MS4A4E: variants seen among roughly 807,000 people sequenced by gnomAD.
MS4A4E encodes the protein membrane spanning 4-domains A4E, also known as putative membrane-spanning 4-domains subfamily A member 4E.
A neutral mutation model predicts 13.3 loss-of-function variants in MS4A4E; 23 were observed. The observed-to-expected ratio is 1.73, with a 90% CI of 1.25 to 2.45. The LOEUF is 2.45. Among genes scored for constraint, MS4A4E ranks in the 30% most tolerant of loss-of-function variants. The pLI, the probability that MS4A4E is intolerant of heterozygous loss-of-function variation, is 0.00. For missense variants in MS4A4E, 144 were observed against 131.2 expected (o/e 1.10, Z -0.48); for synonymous variants, 36 against 45.6 (o/e 0.79, Z 0.85).
chr11:60,219,479 C>T (rs1463814495), intron 3 of MS4A4E, among the ~76,000 whole-genome samples: 4 of 152,060 alleles, frequency 2.6e-5, no homozygotes, highest in Non-Finnish European at 5.9e-5. Flanking sequence ...GGAAGCTTAC[C>T]GAATTCTTAC....
chr11:60,242,357 G>A (rs1017756212), intron 1 of MS4A4E, among the ~76,000 whole-genome samples: 1 of 152,158 alleles, frequency 6.6e-6, no homozygotes, highest in Non-Finnish European at 1.5e-5. Flanking sequence ...TCTACAAGAT[G>A]TTTTTCATTT....
intron 8 of MS4A4E, among the ~76,000 whole-genome samples, chr11:60,203,795 T>C (rs1358250463): frequency 6.6e-6 from 1 of 152,124 alleles, no homozygotes; most frequent in African/African-American, 2.4e-5. Context: ...TTCTTGTAAA[T>C]GTAGCAAAAG....
chr11:60,204,233 A>G (rs541879390), intron 8 of MS4A4E, among the ~76,000 whole-genome samples: 1 of 152,324 alleles, frequency 6.6e-6, no homozygotes, highest in African/African-American at 2.4e-5. Flanking sequence ...TTAGAGAGGA[A>G]GCCATTGAAG....
At chr11:60,214,058 C>T (rs759462317) in intron 4 of MS4A4E, among the ~76,000 whole-genome samples, 15 of 152,072 alleles carry the variant, frequency 9.9e-5, no homozygotes, top group Admixed American at 5.9e-4. Flanking sequence ...GCGCCCGTCA[C>T]CACGCCTGGT....
rs2084390829 is a variant in MS4A4E at position 60,230,170 on chromosome 11, T to TA, written c.-16-100dup. ...TCCTCCCTAAGGACAAAACCTGGTC[T>TA]ACATTCCCCTCCAATATTATAACAG... On this transcript the variant is annotated intron_variant, in intron 1 of 8. Transcript: ENST00000651255. 2.3e-6 allele frequency: 3 copies of TA among 1,283,244 alleles called. No homozygotes were observed. The African/African-American group carries it at 4.5e-5, about 19-fold the overall frequency. 79.5% of individuals were successfully genotyped at this position (1,283,244 alleles called of 1,614,324 possible).
chr11:60,227,928 T>G (rs142054277), intron 3 of MS4A4E, among the ~76,000 whole-genome samples: 58 of 152,170 alleles, frequency 3.8e-4, no homozygotes, highest in African/African-American at 1.3e-3. Flanking sequence ...ATACCTTGTA[T>G]CCTTCACAAA....
intron 6 of MS4A4E, among the ~76,000 whole-genome samples, chr11:60,208,310 A>C (rs1459944811): frequency 6.6e-6 from 1 of 152,196 alleles, no homozygotes; most frequent in Admixed American, 6.5e-5. Context: ...CTCAAAGAAA[A>C]AGTACATTGT....
At chr11:60,213,501 T>A (rs1048763526) in intron 4 of MS4A4E, among the ~76,000 whole-genome samples, 1 of 152,208 alleles carries the variant, frequency 6.6e-6, no homozygotes, top group Non-Finnish European at 1.5e-5. Flanking sequence ...TCTCTACATT[T>A]TAAATTATTT....
chr11:60,219,195 C>T (rs775843849), intron 3 of MS4A4E, among the ~76,000 whole-genome samples: 33 of 152,200 alleles, frequency 2.2e-4, no homozygotes, highest in Non-Finnish European at 4.4e-4. Flanking sequence ...GAGGGCAGCA[C>T]TTGCATCCTT....
chr11:60,209,046 A>G (rs1169241167), intron 5 of MS4A4E: 1 of 153,642 alleles, frequency 6.5e-6, no homozygotes, highest in Non-Finnish European at 1.4e-5. Context: ...CTATGATTCC[A>G]TATCTTCGTG....
chr11:60,230,578 G>A (rs1387768734), intron 1 of MS4A4E, among the ~76,000 whole-genome samples: 1 of 152,150 alleles, frequency 6.6e-6, no homozygotes, highest in East Asian at 1.9e-4. Flanking sequence ...TGTCCCATAA[G>A]CTCTGAACTC....
At chr11:60,206,477 A>ATATATATATGTATATATATATACACG (rs2084044314) in intron 6 of MS4A4E, among the ~76,000 whole-genome samples, 3 of 5,682 alleles carry the variant, frequency 5.3e-4, no homozygotes, top group Non-Finnish European at 9.7e-4. Flanking sequence ...ACACACACAT[A>ATATATATATGTATATATATATACACG]TATATATATA....
chr11:60,202,901 G>A (rs1330822125), intron 8 of MS4A4E, among the ~76,000 whole-genome samples: 1 of 152,162 alleles, frequency 6.6e-6, no homozygotes, highest in Admixed American at 6.5e-5. Flanking sequence ...GAGGGAAGAT[G>A]ACTCCATTTT....
At position 60,200,924 on chromosome 11, in the gene MS4A4E, C is replaced by A. The variant is rs1387475405; in HGVS notation, c.*619G>T. Among the ~76,000 whole-genome samples, 26 of 145,822 alleles carry A rather than the reference C, an allele frequency of 1.8e-4. No homozygotes were observed. Among genetic ancestry groups the A allele is most frequent in the Admixed American group, 5.4e-4 (8 of 14,750 alleles). ...GGCGGCTGGCCGGGCGGGGGGCTGA[C>A]CCCTCCACCTCCCTCCCGGACGGGG... On this transcript the variant is annotated 3_prime_UTR_variant, in exon 9 of 9. Coordinates refer to ENST00000651255, the MANE Select transcript of MS4A4E (RefSeq NM_001393391.1).
intron 5 of MS4A4E, among the ~76,000 whole-genome samples, chr11:60,209,871 A>G (rs888510386): frequency 3.2e-4 from 49 of 152,250 alleles, no homozygotes; most frequent in African/African-American, 1.1e-3. Context: ...AGACTTAAGG[A>G]GACCTTGAGA....
intron 3 of MS4A4E, among the ~76,000 whole-genome samples, chr11:60,228,384 T>C (rs576028355): frequency 6.6e-6 from 1 of 152,240 alleles, no homozygotes; most frequent in African/African-American, 2.4e-5. Context: ...AAAATTAAAA[T>C]GGTAATGAGA....
chr11:60,241,893 G>A (rs541205898), intron 1 of MS4A4E, among the ~76,000 whole-genome samples: 1 of 152,216 alleles, frequency 6.6e-6, no homozygotes, highest in Admixed American at 6.5e-5. Context: ...CGGATAAAGA[G>A]GTGGGGTAAC....
At position 60,227,039 on chromosome 11, in the gene MS4A4E, A is replaced by G. The variant is rs375275172; in HGVS notation, c.178+1555T>C. 6.0e-4 allele frequency among the ~76,000 whole-genome samples: 92 copies of G among 152,316 alleles called. 1 individual carries two copies. The South Asian group carries it at 0.013, about 22-fold the overall frequency. On this transcript the variant is annotated intron_variant, in intron 3 of 8. Transcript: ENST00000651255. Reference sequence around the variant, plus strand: ...AAATGCAATACTATTTAAATTAGCAACCCTAAAAATTAAATATTTAGGTAT... The same window carrying G: ...AAATGCAATACTATTTAAATTAGCAGCCCTAAAAATTAAATATTTAGGTAT...
chr11:60,227,419 C>T (rs1053760304), intron 3 of MS4A4E, among the ~76,000 whole-genome samples: 4 of 152,068 alleles, frequency 2.6e-5, no homozygotes, highest in Admixed American at 6.5e-5. Flanking sequence ...GGCATAGTGG[C>T]AGGCGCCTGT....
Sources: allele counts gnomAD v4.1 joint callset (sites outside exome capture counted in the v4.1 genomes callset), GRCh38; gene constraint gnomAD v4.1.1; transcripts MANE v1.5; gene names NCBI Gene and HGNC (gene_info 2026-07-23, HGNC 2026-07-21).